PIEZO1: variants seen among roughly 807,000 people sequenced by gnomAD.
PIEZO1 encodes piezo-type mechanosensitive ion channel component 1.
A neutral mutation model predicts 297.2 loss-of-function variants in PIEZO1; 296 were observed. That is an observed-to-expected ratio of 1.00 (90% CI 0.91 to 1.10). The LOEUF (loss-of-function observed/expected upper bound fraction) is 1.10, where lower values mean the gene tolerates loss of function less well. Among genes scored for constraint, PIEZO1 ranks in the 50% least tolerant of loss-of-function variants. The pLI is 0.00. For synonymous variants in PIEZO1, 2,427 were observed against 1,507.5 expected (o/e 1.61, Z -14.13); for missense variants, 5,018 against 3,455.5 (o/e 1.45, Z -11.34).
intron 5 of PIEZO1, chr16:88,740,148 C>T (rs1905544082): frequency 6.6e-6 from 1 of 152,278 alleles, no homozygotes; most frequent in African/African-American, 2.4e-5. Context: ...CTGGCACACT[C>T]CGTCGCATGC....
At chr16:88,740,330 A>G (rs911922834) in intron 5 of PIEZO1, 1 of 152,274 alleles carries the variant, frequency 6.6e-6, no homozygotes, top group African/African-American at 2.4e-5. Context: ...GCAGCTGCAC[A>G]CTCAGGCTCC....
rs1905241060 is a variant in PIEZO1 at position 88,736,690 on chromosome 16, C to T, written c.1245G>A (p.Leu415=). Residue 415 remains leucine, a synonymous_variant, in exon 11 of 51, where the codon CTG becomes CTA. Transcript: ENST00000301015. The part of the protein sequence containing the change: ...EPREASPLHS[L]GHLIMDQSYV... ...AGCTCTGGTCCATGATGAGGTGGCC[C>T]AGGCTGTGGAGCGGAGACGCCTCCC... The T allele has an allele frequency of 6.5e-7, 1 of 1,533,022 alleles. No homozygotes were observed. The highest frequency in any genetic ancestry group is 1.4e-5 in the African/African-American group (1 of 73,012). 95.0% of individuals were successfully genotyped at this position (1,533,022 alleles called of 1,614,324 possible).
At chr16:88,720,307 A>C in intron 41 of PIEZO1, 24 bp from the exon 42 acceptor site, 1 of 1,550,098 alleles carries the variant, frequency 6.5e-7, no homozygotes, top group Non-Finnish European at 8.7e-7. Flanking sequence ...AGCACAGGTC[A>C]GGGGGAGCCA....
chr16:88,777,266 C>A (rs572124005), intron 1 of PIEZO1, among the ~76,000 whole-genome samples: 32 of 152,366 alleles, frequency 2.1e-4, no homozygotes, highest in African/African-American at 7.7e-4. Flanking sequence ...CCACCATGCC[C>A]GGAGGACCTG....
chr16:88,754,492 G>C (rs572299752), intron 1 of PIEZO1, among the ~76,000 whole-genome samples: 2 of 152,306 alleles, frequency 1.3e-5, no homozygotes, highest in Admixed American at 1.3e-4. Context: ...CCCACGCCCG[G>C]GTGGGAGAGG....
Position 88,733,732 on chromosome 16 carries a change from C to T in PIEZO1, c.2343G>A (p.Trp781Ter), listed in dbSNP as rs1188313380. The change falls in exon 18 of 51, where the codon TGG becomes TGA. Residue 781 changes from tryptophan (W) to a stop codon, truncating the protein, a stop_gained. Transcript: ENST00000301015. LOFTEE classifies it high-confidence loss of function. ...ATQVPEGAAK[W>*]GLVAERLLEL... ...CCAGCAGCCGCTCAGCCACCAGGCC[C>T]CACTTGGCTGCCCCTGTGATGGTGT... 6.5e-7 allele frequency: 1 copy of T among 1,545,202 alleles called. No individual in the cohort carries two copies. The highest frequency in any genetic ancestry group is 8.7e-7 in the Non-Finnish European group (1 of 1,144,150).
Position 88,784,889 on chromosome 16 carries a change from C to G in PIEZO1, c.64+12G>C. 7.0e-7 allele frequency: 1 copy of G among 1,433,648 alleles called. No individual in the cohort carries two copies. Among genetic ancestry groups the G allele is most frequent in the Non-Finnish European group, 9.2e-7 (1 of 1,090,264 alleles). The allele number at this position is 1,433,648 out of a possible 1,614,324, so 88.8% of individuals were successfully genotyped here. ...CCCTCCCGTCGCCCCCAGGCGCCCG[C>G]CCCCCACTCACCAGCCAGCAGCGCG... On this transcript the variant is annotated intron_variant, in intron 1 of 50. Transcript: ENST00000301015.
Position 88,736,475 on chromosome 16 carries a change from C to T in PIEZO1, c.1297-67G>A, listed in dbSNP as rs997812680. 41 of 742,858 alleles carry T rather than the reference C, an allele frequency of 5.5e-5. 1 individual carries two copies. Among genetic ancestry groups the T allele is most frequent in the African/African-American group, 2.3e-4 (13 of 56,004 alleles). 46.0% of individuals were successfully genotyped at this position (742,858 alleles called of 1,614,324 possible). On this transcript the variant is annotated intron_variant, in intron 11 of 50. Coordinates refer to ENST00000301015, the MANE Select transcript of PIEZO1 (RefSeq NM_001142864.4). ...ACCCAGGCGATGCCCCACACCTGCG[C>T]GGCAGAGGGGGCTGCACAGCTGCCC...
intron 44 of PIEZO1, 184 bp from the exon 45 acceptor site, chr16:88,717,395 A>C: frequency 1.5e-6 from 1 of 653,622 alleles, no homozygotes; most frequent in Non-Finnish European, 2.8e-6. Flanking sequence ...TGGAACCCTC[A>C]TGTTCAGGGG....
At chr16:88,779,072 C>A (rs997623908) in intron 1 of PIEZO1, among the ~76,000 whole-genome samples, 1 of 144,546 alleles carries the variant, frequency 6.9e-6, no homozygotes, top group Non-Finnish European at 1.5e-5. Context: ...GTCTTGCTGT[C>A]CCCCAAGCCC....
In PIEZO1 at chr16:88,720,133, G is replaced by A. The variant is rs1371223433; in HGVS notation, c.6100C>T (p.Gln2034Ter). 6.4e-7 allele frequency: 1 copy of A among 1,550,428 alleles called. No individual in the cohort carries two copies. The highest frequency in any genetic ancestry group is 2.4e-5 in the East Asian group (1 of 40,930). ...RKTVLGKLAFQVALVLAIHLW... is the reference protein window; with the variant it reads ...RKTVLGKLAF ...TGGATGGCCAGCACCAGCGCCACCT[G>A]GAAGGCCAGCTTGCCCAGCACGGTC... Residue 2034 changes from glutamine (Q) to a stop codon, truncating the protein, a stop_gained, in exon 42 of 51, where the codon CAG becomes TAG. Transcript: ENST00000301015. LOFTEE classifies it high-confidence loss of function.
intron 1 of PIEZO1, among the ~76,000 whole-genome samples, chr16:88,765,097 T>C (rs918164957): frequency 6.6e-6 from 1 of 152,226 alleles, no homozygotes; most frequent in African/African-American, 2.4e-5. Flanking sequence ...CCCTGTGATT[T>C]ACCCAGCGGC....
Position 88,742,047 on chromosome 16 carries a change from T to C in PIEZO1, c.326+6A>G, listed in dbSNP as rs1309114482. On this transcript the variant is annotated splice_donor_region_variant and intron_variant, in intron 4 of 50. Transcript: ENST00000301015. Reference sequence around the variant, plus strand: ...TGCTGGTTGGGGGTGGGAGGAATGGTCTTACCTTGTGACCCCTATGTGTCG... The same window carrying C: ...TGCTGGTTGGGGGTGGGAGGAATGGCCTTACCTTGTGACCCCTATGTGTCG... 6.5e-7 allele frequency: 1 copy of C among 1,535,864 alleles called. No individual in the cohort carries two copies.
intron 44 of PIEZO1, chr16:88,717,832 T>TAATA (rs1169678175): frequency 9.1e-6 from 4 of 441,034 alleles, no homozygotes; most frequent in Non-Finnish European, 1.8e-5. Context: ...GAAAAAACTC[T>TAATA]AATAAAAAAC....
rs906297217 is a variant in PIEZO1 at position 88,785,190 on chromosome 16, T to C, written c.-226A>G. The C allele has an allele frequency of 1.5e-5, 4 of 258,878 alleles. No individual in the cohort carries two copies. Among genetic ancestry groups the C allele is most frequent in the East Asian group, 7.4e-5 (1 of 13,528 alleles). The allele number at this position is 258,878 out of a possible 1,614,324, so 16.0% of individuals were successfully genotyped here. ...CGGCGGAGCGCAGCGCTCGGCTCAC[T>C]GGGGCCGAGCTGGGCCGGACGGCGG... On this transcript the variant is annotated 5_prime_UTR_variant, in exon 1 of 51. Transcript: ENST00000301015.
chr16:88,721,118 A>C, intron 39 of PIEZO1, 48 bp downstream of exon 39: 2 of 1,445,042 alleles, frequency 1.4e-6, no homozygotes, highest in Non-Finnish European at 1.8e-6. Context: ...CAGTAGCCCC[A>C]CTCAGAAAAC....
At chr16:88,720,594 GC>G in intron 40 of PIEZO1, 21 bp downstream of exon 40, 3 of 1,533,684 alleles carry the variant, frequency 2.0e-6, no homozygotes, top group South Asian at 1.2e-5. Context: ...CTCCCCAGCT[GC>G]CCCCGGCCGC....
At chr16:88,754,275 C>T (rs1192585076) in intron 1 of PIEZO1, among the ~76,000 whole-genome samples, 2 of 152,160 alleles carry the variant, frequency 1.3e-5, no homozygotes, top group African/African-American at 4.8e-5. Context: ...GCTGGGCTGG[C>T]CTCTGCTTTC....
intron 1 of PIEZO1, 41 bp downstream of exon 1, chr16:88,784,860 A>G: frequency 1.5e-6 from 2 of 1,342,654 alleles, no homozygotes; most frequent in Non-Finnish European, 2.0e-6. Context: ...GCCGAGACGC[A>G]GCCCCCTCCC....
Sources: gnomAD v4.1 joint callset for allele counts (sites outside exome capture counted in the v4.1 genomes callset) on GRCh38, gnomAD v4.1.1 for gene constraint, MANE v1.5 for transcripts, NCBI Gene and HGNC (gene_info 2026-07-23, HGNC 2026-07-21) for gene names.